COL4A3: variants seen among roughly 807,000 people sequenced by gnomAD.
The protein encoded by COL4A3 is collagen alpha-3(IV) chain.
COL4A3 carries 135 observed loss-of-function variants against 217.4 expected under a neutral mutation model. The ratio of observed to expected loss-of-function variants is 0.62; its 90% confidence interval spans 0.54 to 0.72. COL4A3 has a LOEUF of 0.72. Ranked by LOEUF, COL4A3 falls within the 30% of genes least tolerant of loss-of-function variation. The pLI is 0.00. For missense variants in COL4A3, 1,868 were observed against 2,119.9 expected, an observed-to-expected ratio of 0.88 and a Z score of 2.33; for synonymous variants, 690 against 736.3, an observed-to-expected ratio of 0.94 and a Z score of 1.02.
chr2:227,251,273 T>C, intron 10 of COL4A3, 63 bp from the exon 11 acceptor site: 2 of 1,591,470 alleles, frequency 1.3e-6, no homozygotes, highest in South Asian at 2.2e-5. Context: ...TAAAAAGTTA[T>C]TAAAAGAATT....
chr2:227,241,634 A>C (rs1467966494), intron 3 of COL4A3, among the ~76,000 whole-genome samples: 2 of 152,150 alleles, frequency 1.3e-5, no homozygotes, highest in African/African-American at 4.8e-5. Context: ...TGATCATGCT[A>C]CTGCACTCCA....
intron 20 of COL4A3, 69 bp from the exon 21 acceptor site, chr2:227,263,711 C>G: frequency 7.0e-7 from 1 of 1,421,698 alleles, no homozygotes. Flanking sequence ...ATCACTCTTG[C>G]AATTAAAAAA....
At chr2:227,205,597 T>C (rs2067071044) in intron 1 of COL4A3, among the ~76,000 whole-genome samples, 1 of 152,090 alleles carries the variant, frequency 6.6e-6, no homozygotes, top group African/African-American at 2.4e-5. Flanking sequence ...TTGATTAAAT[T>C]AAAATAACAT....
At chr2:227,281,088 G>C (rs1271006060) in intron 31 of COL4A3, 82 bp downstream of exon 31, 2 of 860,672 alleles carry the variant, frequency 2.3e-6, no homozygotes, top group African/African-American at 3.4e-5. Flanking sequence ...CTTAACATGG[G>C]AACTGTCCAG....
At chr2:227,225,016 ATCCTCCCGCC>A (rs2068010392) in intron 1 of COL4A3, among the ~76,000 whole-genome samples, 1 of 152,076 alleles carries the variant, frequency 6.6e-6, no homozygotes, top group African/African-American at 2.4e-5. Context: ...GGCTCCAGCG[ATCCTCCCGCC>A]TCAGCATCCT....
chr2:227,286,700 T>C (rs2072348814), intron 34 of COL4A3, among the ~76,000 whole-genome samples: 1 of 152,168 alleles, frequency 6.6e-6, no homozygotes, highest in Non-Finnish European at 1.5e-5. Flanking sequence ...GCAACTAAGA[T>C]AGTCAGTGAA....
Position 227,191,734 on chromosome 2 carries a change from T to A in COL4A3, c.87+26921T>A, listed in dbSNP as rs1421306144. Reference sequence around the variant, plus strand: ...ACTACTGGGCATATCTCAGGTTACCTTAAATGAAAATCATTTTCTTATTTT... The same window carrying A: ...ACTACTGGGCATATCTCAGGTTACCATAAATGAAAATCATTTTCTTATTTT... On this transcript the variant is annotated intron_variant, in intron 1 of 51. Coordinates refer to ENST00000396578, the MANE Select transcript of COL4A3 (RefSeq NM_000091.5). The surrounding 1 kb of genome is among the most constrained non-coding windows in gnomAD (Gnocchi z 6.8). 1.3e-5 allele frequency among the ~76,000 whole-genome samples: 2 copies of A among 152,236 alleles called. No homozygotes were observed. The highest frequency in any genetic ancestry group is 2.9e-5 in the Non-Finnish European group (2 of 68,050).
chr2:227,246,616 C>T (rs2069355762), intron 6 of COL4A3, 69 bp from the exon 7 acceptor site: 2 of 1,320,008 alleles, frequency 1.5e-6, no homozygotes, highest in South Asian at 1.2e-5. Flanking sequence ...AAGCGAGAAA[C>T]AGGAAAAATA....
intron 13 of COL4A3, 78 bp from the exon 14 acceptor site, chr2:227,254,034 A>AC: frequency 7.7e-7 from 1 of 1,303,910 alleles, no homozygotes; most frequent in African/African-American, 1.5e-5. Context: ...TTGAACAGAT[A>AC]GAGGATTTGT....
rs531504345 is a variant in COL4A3, at chr2:227,301,389, A to T, written c.3883-1649A>T. 9.2e-5 allele frequency among the ~76,000 whole-genome samples: 14 copies of T among 152,336 alleles called. No homozygotes were observed. The South Asian group carries it at 2.9e-3, about 32-fold the overall frequency. On this transcript the variant is annotated intron_variant, in intron 43 of 51. Coordinates refer to ENST00000396578, the MANE Select transcript of COL4A3 (RefSeq NM_000091.5). ...TTGTCCTCTACTAACCTCATCAGTGATGCGTAATGAGGTGCTTTGCCATAG... is the reference window on the plus strand; with the variant it reads ...TTGTCCTCTACTAACCTCATCAGTGTTGCGTAATGAGGTGCTTTGCCATAG...
At chr2:227,168,416 G>T (rs2065353161) in intron 1 of COL4A3, among the ~76,000 whole-genome samples, 1 of 152,010 alleles carries the variant, frequency 6.6e-6, no homozygotes, top group Admixed American at 6.6e-5. Context: ...TTTTTTAATT[G>T]GCCCTTTATA....
At chr2:227,211,156 A>T (rs994178056) in intron 1 of COL4A3, among the ~76,000 whole-genome samples, 1 of 152,060 alleles carries the variant, frequency 6.6e-6, no homozygotes, top group Non-Finnish European at 1.5e-5. Flanking sequence ...ACATGCCACC[A>T]CACACTTCTA....
At chr2:227,196,403 C>T (rs533800992) in intron 1 of COL4A3, among the ~76,000 whole-genome samples, 5 of 151,412 alleles carry the variant, frequency 3.3e-5, no homozygotes, top group East Asian at 1.9e-4. Flanking sequence ...CTGCAAGCTC[C>T]GCCTCCCAGG....
chr2:227,181,301 T>G (rs982248353), intron 1 of COL4A3, among the ~76,000 whole-genome samples: 3 of 152,224 alleles, frequency 2.0e-5, no homozygotes, highest in African/African-American at 7.2e-5. Flanking sequence ...GTTGGCTGCA[T>G]CAGGGTCGGC....
chr2:227,301,567 C>T (rs1003699286), intron 43 of COL4A3, among the ~76,000 whole-genome samples: 13 of 152,170 alleles, frequency 8.5e-5, no homozygotes, highest in Non-Finnish European at 1.8e-4. Context: ...CCAATTTGAT[C>T]CATGATTACA....
intron 41 of COL4A3, among the ~76,000 whole-genome samples, chr2:227,295,598 G>A (rs565958547): frequency 3.3e-5 from 5 of 152,290 alleles, no homozygotes; most frequent in African/African-American, 9.6e-5. Flanking sequence ...TTGTTAGCAT[G>A]GTTTAAAGAT....
chr2:227,208,465 C>T (rs1559827931), intron 1 of COL4A3, among the ~76,000 whole-genome samples: 1 of 152,046 alleles, frequency 6.6e-6, no homozygotes, highest in Non-Finnish European at 1.5e-5. Context: ...TGGTCCAACC[C>T]AGTTGTACCA....
intron 22 of COL4A3, 67 bp downstream of exon 22, chr2:227,266,576 T>C: frequency 8.0e-7 from 1 of 1,253,920 alleles, no homozygotes; most frequent in Non-Finnish European, 1.2e-6. Flanking sequence ...CACTGATTTT[T>C]CCCCCTGAGA....
intron 1 of COL4A3, among the ~76,000 whole-genome samples, chr2:227,229,730 A>G (rs1298106487): frequency 3.3e-5 from 5 of 152,102 alleles, no homozygotes; most frequent in African/African-American, 4.8e-5. Context: ...ATCTCCCTTG[A>G]CAGATGGGGG....
Sources: gnomAD v4.1 joint callset for allele counts (sites outside exome capture counted in the v4.1 genomes callset) on GRCh38, gnomAD v4.1.1 for gene constraint, Gnocchi (gnomAD v3.1) non-coding constraint, MANE v1.5 for transcripts, NCBI Gene and HGNC (gene_info 2026-07-23, HGNC 2026-07-21) for gene names.